The following MGST1 variants were observed in gnomAD, a reference collection of about 807,000 sequenced individuals.
MGST1 encodes glutathione S-transferase 12.
In MGST1, 5 loss-of-function variants were observed where a neutral mutation model predicts 8.9. The observed-to-expected ratio is 0.56, with a 90% confidence interval of 0.29 to 1.19. The LOEUF is 1.19. Among genes scored for constraint, MGST1 ranks in the 50% most tolerant of loss-of-function variants. The pLI, the probability that MGST1 is intolerant of heterozygous loss-of-function variation, is 0.08. For missense variants in MGST1, 182 were observed against 187.4 expected, an observed-to-expected ratio of 0.97 and a Z score of 0.17; for synonymous variants, 54 against 67.8, an observed-to-expected ratio of 0.80 and a Z score of 1.00.
Position 16,497,989 on chromosome 12 carries a change from C to T in MGST1, n.483-91539C>T, listed in dbSNP as rs756547142. The stretch of plus-strand genomic sequence containing the variant: ...GAAATTGGAAAATAATATACATCTG[C>T]GAATGTCACATTCCTTAAAGCAAAG... On this transcript the variant is annotated intron_variant and non_coding_transcript_variant, in intron 4 of 4. Coordinates refer to the MGST1 transcript ENST00000538857. This position sits in a 1 kb window ranked among gnomAD's most constrained non-coding sequence, Gnocchi z 4.4. Among the ~76,000 whole-genome samples, 3 of 152,158 alleles carry T rather than the reference C, an allele frequency of 2.0e-5. No individual in the cohort carries two copies. Among genetic ancestry groups the T allele is most frequent in the South Asian group, 2.1e-4 (1 of 4,816 alleles).
downstream of MGST1, among the ~76,000 whole-genome samples, chr12:16,364,973 C>T (rs1940157787): frequency 6.6e-6 from 1 of 152,042 alleles, no homozygotes; most frequent in Non-Finnish European, 1.5e-5. This position sits in a 1 kb window ranked among gnomAD's most constrained non-coding sequence, Gnocchi z 5.7. Context: ...TTTTCTCATT[C>T]TTAGATTCAG....
Position 16,586,301 on chromosome 12 carries a change from C to T in MGST1, n.483-3227C>T, listed in dbSNP as rs552277709. ...CACAGAGTGTTAAGATGTCATGATA[C>T]GATGAAGTCCACATACGGAACAACT... On this transcript the variant is annotated intron_variant and non_coding_transcript_variant, in intron 4 of 4. Coordinates refer to the MGST1 transcript ENST00000538857. This position sits in a 1 kb window ranked among gnomAD's most constrained non-coding sequence, Gnocchi z 4.3. Among the ~76,000 whole-genome samples the T allele has an allele frequency of 2.6e-5, 4 of 152,236 alleles. No individual in the cohort carries two copies. The highest frequency in any genetic ancestry group is 2.1e-4 in the South Asian group (1 of 4,822).
rs571269537 is a variant in MGST1 at position 16,401,561 on chromosome 12, G to A, written n.778+17957G>A. The stretch of plus-strand genomic sequence containing the variant: ...TGAGGAGGATCAGCCATCAAAGTGC[G>A]AACAGGTTGGAGCAATAAGACTCGA... On this transcript the variant is annotated intron_variant and non_coding_transcript_variant, in intron 1 of 1. Coordinates refer to the MGST1 transcript ENST00000359720. The surrounding 1 kb of genome is among the most constrained non-coding windows in gnomAD (Gnocchi z 4.3). 3.9e-5 allele frequency: 47 copies of A among 1,198,250 alleles called. No homozygotes were observed. The East Asian group carries it at 7.5e-4, about 19-fold the overall frequency. 74.2% of individuals were successfully genotyped at this position (1,198,250 alleles called of 1,614,324 possible).
At chr12:16,420,980 C>T (rs536596617) in intron 1 of MGST1, among the ~76,000 whole-genome samples, 4 of 152,240 alleles carry the variant, frequency 2.6e-5, no homozygotes, top group East Asian at 3.9e-4. Flanking sequence ...AACACAGCAC[C>T]GTCTCTGCAA....
At chr12:16,520,860 G>T (rs1941644393) in intron 4 of MGST1, among the ~76,000 whole-genome samples, 1 of 152,072 alleles carries the variant, frequency 6.6e-6, no homozygotes, top group Non-Finnish European at 1.5e-5. Context: ...TTCATTTGGG[G>T]TACCCAATAA....
intron 4 of MGST1, among the ~76,000 whole-genome samples, chr12:16,505,009 GTC>G (rs1462785481): frequency 6.6e-6 from 1 of 152,078 alleles, no homozygotes; most frequent in Non-Finnish European, 1.5e-5. Context: ...TTTCTCTGAA[GTC>G]TTAACATTCT....
intron 3 of MGST1, chr12:16,360,277 T>A (rs916850745): frequency 3.2e-6 from 3 of 926,618 alleles, no homozygotes. Flanking sequence ...GACTTTTTTT[T>A]TTCACCTCTC....
At chr12:16,442,719 G>A (rs1312607225), downstream of MGST1, among the ~76,000 whole-genome samples, 3 of 151,792 alleles carry the variant, frequency 2.0e-5, no homozygotes, top group African/African-American at 7.2e-5. The surrounding 1 kb of genome is among the most constrained non-coding windows in gnomAD (Gnocchi z 4.5). Context: ...TCTTGAAGTA[G>A]GGTAGTGTCA....
chr12:16,388,363 T>C (rs1009218844), intron 1 of MGST1, among the ~76,000 whole-genome samples: 1 of 151,778 alleles, frequency 6.6e-6, no homozygotes, highest in African/African-American at 2.4e-5. Flanking sequence ...AGTGAGTGAG[T>C]GGGGAGTGAA....
chr12:16,408,502 T>C (rs958784478), intron 1 of MGST1, among the ~76,000 whole-genome samples: 2 of 152,200 alleles, frequency 1.3e-5, no homozygotes, highest in African/African-American at 2.4e-5. Context: ...CTCACTTCCA[T>C]TAATTTTGTT....
chr12:16,438,653 G>T (rs1436852205), exon 2 of MGST1: 1 of 151,794 alleles, frequency 6.6e-6, no homozygotes, highest in Non-Finnish European at 1.5e-5. Flanking sequence ...TTTAAATCTT[G>T]TCTAGTTTCT....
chr12:16,590,283 A>G (rs2058799), downstream of MGST1, among the ~76,000 whole-genome samples: 71,202 of 151,888 alleles, frequency 0.47, 19,065 homozygotes, highest in East Asian at 0.68. Flanking sequence ...GTTAGTGGTG[A>G]GAAATATAAG....
intron 1 of MGST1, among the ~76,000 whole-genome samples, chr12:16,428,382 G>A (rs1057227658): frequency 6.6e-6 from 1 of 151,576 alleles, no homozygotes; most frequent in African/African-American, 2.4e-5. Flanking sequence ...AAATGAGTAG[G>A]ACAGAGTAAC....
chr12:16,435,982 C>T (rs1221705773), intron 1 of MGST1, among the ~76,000 whole-genome samples: 1 of 107,506 alleles, frequency 9.3e-6, no homozygotes, highest in Admixed American at 1.1e-4. Context: ...TATTTCCACC[C>T]TGCTGCAAAT....
At position 16,354,360 on chromosome 12, in the gene MGST1, C is replaced by G; in HGVS notation, c.108C>G (p.Phe36Leu). 6.3e-7 allele frequency: 1 copy of G among 1,595,102 alleles called. No homozygotes were observed. Among genetic ancestry groups the G allele is most frequent in the Non-Finnish European group, 8.5e-7 (1 of 1,175,108 alleles). ...KMMLMSTATA[F>L]YRLTRKVFAN... Reference sequence around the variant, plus strand: ...TGCTTATGAGTACTGCAACTGCATTCTATAGATTGACAAGAAAGGTAAGAA... The same window carrying G: ...TGCTTATGAGTACTGCAACTGCATTGTATAGATTGACAAGAAAGGTAAGAA... Residue 36 changes from phenylalanine to leucine, a missense_variant, in exon 2 of 4, where the codon TTC (phenylalanine) becomes TTG (leucine). Phe to Leu is a conservative substitution (Grantham distance 22, BLOSUM62 0). Transcript: ENST00000396210.
At chr12:16,437,130 A>G (rs1344852735) in intron 1 of MGST1, among the ~76,000 whole-genome samples, 6 of 151,944 alleles carry the variant, frequency 3.9e-5, no homozygotes, top group Non-Finnish European at 7.4e-5. Context: ...AGGAACTCAT[A>G]TTAGTCCTGG....
Position 16,589,407 on chromosome 12 carries a change from A to T in MGST1, n.483-121A>T, listed in dbSNP as rs1943421177. The T allele has an allele frequency of 6.6e-6, 1 of 152,126 alleles. No homozygotes were observed. The highest frequency in any genetic ancestry group is 1.5e-5 in the Non-Finnish European group (1 of 68,006). The allele number at this position is 152,126 out of a possible 1,614,324, so 9.4% of individuals were successfully genotyped here. ...AGTATAAGCTTGTGGCTTTACTTTT[A>T]CTTGTGACTTCACAGTAAAAAATTA... is the stretch of plus-strand genomic sequence containing the variant. On this transcript the variant is annotated intron_variant and non_coding_transcript_variant, in intron 4 of 4. Coordinates refer to the MGST1 transcript ENST00000538857. This position sits in a 1 kb window ranked among gnomAD's most constrained non-coding sequence, Gnocchi z 4.2.
At chr12:16,382,332 C>T (rs1396884667), upstream of MGST1, among the ~76,000 whole-genome samples, 1 of 152,120 alleles carries the variant, frequency 6.6e-6, no homozygotes, top group African/African-American at 2.4e-5. Flanking sequence ...GATGTCCTTT[C>T]TGTTTGTTAG....
rs375055086 is a variant in MGST1, at chr12:16,551,195, T to A, written n.483-38333T>A. 127 of 1,351,504 alleles carry A rather than the reference T, an allele frequency of 9.4e-5. 1 individual carries two copies. In the African/African-American group the frequency reaches 1.7e-3, roughly 18 times the overall value. The allele number at this position is 1,351,504 out of a possible 1,614,324, so 83.7% of individuals were successfully genotyped here. ...AAAGATAAAAGAATGTAGTGCTTTG[T>A]ATTCTTAATGGGGTGATGTTGATAG... is the stretch of plus-strand genomic sequence containing the variant. On this transcript the variant is annotated intron_variant and non_coding_transcript_variant, in intron 4 of 4. Coordinates refer to the MGST1 transcript ENST00000538857.
Sources: allele counts gnomAD v4.1 joint callset (sites outside exome capture counted in the v4.1 genomes callset), GRCh38; gene constraint gnomAD v4.1.1; non-coding constraint Gnocchi (gnomAD v3.1); transcripts MANE v1.5; gene names NCBI Gene and HGNC (gene_info 2026-07-23, HGNC 2026-07-21).